The following SLCO2A1 variants were observed in gnomAD, a reference collection of about 807,000 sequenced individuals.
The protein encoded by SLCO2A1 is matrin F/G 1.
Under a neutral mutation model 71.7 loss-of-function variants are expected in SLCO2A1, and 60 were observed. That is an observed-to-expected ratio of 0.84 (90% CI 0.68 to 1.04). The LOEUF is 1.04. SLCO2A1 is among the 50% of genes least tolerant of loss of function. The pLI is 0.00. For synonymous variants in SLCO2A1, 308 were observed against 326.7 expected (o/e 0.94, Z 0.62); for missense variants, 745 against 813.4 (o/e 0.92, Z 1.02).
At chr3:133,937,878 C>G (rs60472899) in intron 12 of SLCO2A1, among the ~76,000 whole-genome samples, 4,897 of 152,316 alleles carry the variant, frequency 0.032, 262 homozygotes, top group African/African-American at 0.11. Flanking sequence ...GAGAGCACTC[C>G]TGCTGCCTCA....
Position 133,955,140 on chromosome 3 carries a change from G to T in SLCO2A1, c.451C>A (p.Pro151Thr). The T allele has an allele frequency of 6.2e-7, 1 of 1,614,132 alleles. No homozygotes were observed. Among genetic ancestry groups the T allele is most frequent in the Non-Finnish European group, 8.5e-7 (1 of 1,180,022 alleles). ...ELCQKHWQDL[P>T]PSKCHSTTQN... The stretch of plus-strand genomic sequence containing the variant: ...GTGGTGCTGTGGCACTTACTGGGAG[G>T]CAGGTCCTGCCAATGCTTCTGGCAG... Residue 151 changes from proline to threonine, a missense_variant, in exon 4 of 14, where the codon CCT becomes ACT. Pro to Thr is a conservative substitution (Grantham distance 38). Transcript: ENST00000310926.
rs531648325 is a variant in SLCO2A1, at chr3:133,951,660, G to A, written c.725-316C>T. On this transcript the variant is annotated intron_variant, in intron 5 of 13. Transcript: ENST00000310926. ...AGGGAGCTGACTCTCACTCACAAGGGCACACCATGGGCCAGACTCTAGACC... is the reference window on the plus strand; with the variant it reads ...AGGGAGCTGACTCTCACTCACAAGGACACACCATGGGCCAGACTCTAGACC... Among the ~76,000 whole-genome samples the A allele has an allele frequency of 6.6e-5, 10 of 152,312 alleles. No individual in the cohort carries two copies. The South Asian group carries it at 1.9e-3, about 28-fold the overall frequency.
chr3:133,976,700 C>G (rs1934464066), intron 2 of SLCO2A1, among the ~76,000 whole-genome samples: 1 of 152,188 alleles, frequency 6.6e-6, no homozygotes, highest in Non-Finnish European at 1.5e-5. Context: ...TGCTGTGAGA[C>G]TCTTTGAAAG....
At chr3:133,939,061 G>C (rs1933348213) in intron 11 of SLCO2A1, among the ~76,000 whole-genome samples, 2 of 152,134 alleles carry the variant, frequency 1.3e-5, no homozygotes, top group Non-Finnish European at 2.9e-5. Context: ...TAGCTCTGTG[G>C]GTGTGTGCAT....
At chr3:133,995,477 G>T (rs1934945462) in intron 1 of SLCO2A1, among the ~76,000 whole-genome samples, 1 of 152,200 alleles carries the variant, frequency 6.6e-6, no homozygotes, top group Non-Finnish European at 1.5e-5. Context: ...CCCTCCTCAG[G>T]TGATGTTTTG....
At chr3:133,935,708 A>G in intron 13 of SLCO2A1, 66 bp downstream of exon 13, 2 of 1,465,378 alleles carry the variant, frequency 1.4e-6, no homozygotes, top group Non-Finnish European at 1.8e-6. Flanking sequence ...GCCACTGGGC[A>G]TATGACTACT....
chr3:133,991,919 C>T (rs1934855094), intron 1 of SLCO2A1, among the ~76,000 whole-genome samples: 1 of 152,242 alleles, frequency 6.6e-6, no homozygotes, highest in Admixed American at 6.5e-5. Flanking sequence ...AGAACAGCTT[C>T]TGGGAGGACT....
At chr3:133,960,428 T>C (rs577016364) in intron 3 of SLCO2A1, among the ~76,000 whole-genome samples, 4 of 152,332 alleles carry the variant, frequency 2.6e-5, no homozygotes, top group Admixed American at 6.5e-5. Context: ...GAGGACATTA[T>C]GCTAAGTGAA....
Position 134,029,745 on chromosome 3 carries a change from C to G in SLCO2A1, c.58G>C (p.Ala20Pro). The G allele has an allele frequency of 6.3e-7, 1 of 1,587,874 alleles. No individual in the cohort carries two copies. The highest frequency in any genetic ancestry group is 8.5e-7 in the Non-Finnish European group (1 of 1,171,334). ...SQGSDTSTSR[A>P]GRCARSVFGN... Reference sequence around the variant, plus strand: ...AAGACCGAGCGGGCACAGCGGCCGGCTCGGCTAGTAGAGGTGTCGCTGCCC... The same window carrying G: ...AAGACCGAGCGGGCACAGCGGCCGGGTCGGCTAGTAGAGGTGTCGCTGCCC... Residue 20 changes from alanine to proline, a missense_variant, in exon 1 of 14, where the codon GCC (alanine) becomes CCC (proline). By Grantham distance (27) the Ala-to-Pro change is conservative. Transcript: ENST00000310926.
chr3:134,007,435 G>T (rs1389524703), intron 1 of SLCO2A1, among the ~76,000 whole-genome samples: 2 of 152,136 alleles, frequency 1.3e-5, no homozygotes, highest in Non-Finnish European at 2.9e-5. Flanking sequence ...TCCTCTAAGA[G>T]TTTTATAGTT....
chr3:133,963,315 A>G (rs553805621), intron 3 of SLCO2A1, among the ~76,000 whole-genome samples: 19 of 152,304 alleles, frequency 1.2e-4, no homozygotes, highest in African/African-American at 4.3e-4. Context: ...GTTCAAAGCC[A>G]CATGTTTCAG....
chr3:134,020,683 T>C (rs1013322763), intron 1 of SLCO2A1, among the ~76,000 whole-genome samples: 18 of 147,196 alleles, frequency 1.2e-4, no homozygotes, highest in African/African-American at 4.5e-4. Flanking sequence ...GGCACTTTGG[T>C]TTTGGTTTTG....
At position 133,960,253 on chromosome 3, in the gene SLCO2A1, C is replaced by G. The variant is rs1165650854; in HGVS notation, c.398-5060G>C. On this transcript the variant is annotated intron_variant, in intron 3 of 13. Transcript: ENST00000310926. Reference sequence around the variant, plus strand: ...GCAAGGACTTAAAGAGATATTTGTACCCCCATATTCAGAGCACTATCTTCC... The same window carrying G: ...GCAAGGACTTAAAGAGATATTTGTAGCCCCATATTCAGAGCACTATCTTCC... Among the ~76,000 whole-genome samples the G allele has an allele frequency of 2.0e-5, 3 of 152,146 alleles. No individual in the cohort carries two copies. In the East Asian group the frequency reaches 5.8e-4, roughly 29 times the overall value.
At chr3:133,939,962 CTTTT>C (rs752743899) in intron 11 of SLCO2A1, among the ~76,000 whole-genome samples, 9 of 106,324 alleles carry the variant, frequency 8.5e-5, no homozygotes, top group African/African-American at 2.8e-4. Context: ...ACAAAGTCAT[CTTTT>C]TTTTTTTTTT....
intron 1 of SLCO2A1, among the ~76,000 whole-genome samples, chr3:133,987,849 T>C (rs1261900890): frequency 6.6e-6 from 1 of 152,240 alleles, no homozygotes; most frequent in Non-Finnish European, 1.5e-5. Flanking sequence ...CGGTGACCTC[T>C]CAGTTTGAAA....
intron 1 of SLCO2A1, among the ~76,000 whole-genome samples, chr3:133,991,149 T>C (rs777045127): frequency 6.6e-5 from 10 of 151,844 alleles, no homozygotes; most frequent in Non-Finnish European, 1.3e-4. Flanking sequence ...AAAACAAAAC[T>C]GCAGGCATCT....
intron 11 of SLCO2A1, among the ~76,000 whole-genome samples, chr3:133,941,770 T>C (rs1933429720): frequency 6.6e-6 from 1 of 152,120 alleles, no homozygotes; most frequent in Non-Finnish European, 1.5e-5. Flanking sequence ...ATTTTCTCAT[T>C]TTCATCCTTT....
intron 1 of SLCO2A1, among the ~76,000 whole-genome samples, chr3:134,014,371 G>C (rs1214852098): frequency 6.6e-6 from 1 of 152,174 alleles, no homozygotes; most frequent in East Asian, 1.9e-4. Context: ...CTCAGGAAGA[G>C]AGCTGCTGGC....
intron 3 of SLCO2A1, among the ~76,000 whole-genome samples, chr3:133,961,329 T>C (rs1246327474): frequency 6.6e-6 from 1 of 152,072 alleles, no homozygotes; most frequent in African/African-American, 2.4e-5. Flanking sequence ...GGGCATGACA[T>C]GAGAAACATC....
Sources: allele counts gnomAD v4.1 joint callset (sites outside exome capture counted in the v4.1 genomes callset), GRCh38; gene constraint gnomAD v4.1.1; transcripts MANE v1.5; gene names NCBI Gene and HGNC (gene_info 2026-07-23, HGNC 2026-07-21).